Variants in ANO6 observed in about 807,000 individuals in gnomAD.
The protein encoded by ANO6 is anoctamin-6.
A neutral mutation model predicts 117.5 loss-of-function variants in ANO6; 106 were observed. The observed-to-expected ratio is 0.90, with a 90% CI of 0.77 to 1.06. The LOEUF (loss-of-function observed/expected upper bound fraction) is 1.06, where lower values mean the gene tolerates loss of function less well. ANO6 is among the 50% of genes least tolerant of loss of function. ANO6 has a pLI of 0.00. For synonymous variants in ANO6, 367 were observed against 385.1 expected (o/e 0.95, Z 0.55); for missense variants, 955 against 1,121.1 (o/e 0.85, Z 2.12).
intron 1 of ANO6, among the ~76,000 whole-genome samples, chr12:45,246,963 G>A (rs1947835102): frequency 3.3e-5 from 5 of 150,716 alleles, no homozygotes; most frequent in South Asian, 2.1e-4. Flanking sequence ...ACAGAGTTTC[G>A]CTCTGTCGCC....
At chr12:45,371,172 C>T (rs1183387054) in intron 9 of ANO6, among the ~76,000 whole-genome samples, 5 of 152,204 alleles carry the variant, frequency 3.3e-5, no homozygotes, top group Admixed American at 2.0e-4. Flanking sequence ...AAACGGCGCA[C>T]CACAAGATTA....
chr12:45,364,281 G>A (rs11183004), intron 8 of ANO6, among the ~76,000 whole-genome samples: 22,540 of 152,070 alleles, frequency 0.15, 2,319 homozygotes, highest in East Asian at 0.46. Context: ...TCCTAGGTTT[G>A]GATCTCTTTG....
At chr12:45,253,562 A>G (rs1289093563) in intron 1 of ANO6, among the ~76,000 whole-genome samples, 1 of 152,224 alleles carries the variant, frequency 6.6e-6, no homozygotes, top group Non-Finnish European at 1.5e-5. Flanking sequence ...GTTCAAATGA[A>G]CAACCTCTTA....
intron 16 of ANO6, among the ~76,000 whole-genome samples, chr12:45,413,429 G>GATATTTTT (rs1943136465): frequency 6.6e-6 from 1 of 152,236 alleles, no homozygotes; most frequent in Non-Finnish European, 1.5e-5. Flanking sequence ...CTAAGTGTTG[G>GATATTTTT]ATATTTTTAG....
chr12:45,315,177 G>A (rs1258583646), intron 2 of ANO6, among the ~76,000 whole-genome samples: 2 of 152,076 alleles, frequency 1.3e-5, no homozygotes, highest in Admixed American at 1.3e-4. Flanking sequence ...CCACACATGG[G>A]TATGGAGACA....
chr12:45,432,975 TAACA>T (rs1275486124), downstream of ANO6, among the ~76,000 whole-genome samples: 1 of 152,202 alleles, frequency 6.6e-6, no homozygotes, highest in African/African-American at 2.4e-5. Context: ...TAGGTTATAC[TAACA>T]AAGTCAGAGT....
In ANO6 at chr12:45,431,701, G is replaced by C; in HGVS notation, c.*2390G>C. On this transcript the variant is annotated 3_prime_UTR_variant, in exon 20 of 20. Coordinates refer to ENST00000320560, the MANE Select transcript of ANO6 (RefSeq NM_001025356.3). ...ACTTGCAGTGATAAAGAAAAGCATG[G>C]AGCTGTGTCTGCAGACAATGGTGGC... The C allele has an allele frequency of 2.0e-6, 2 of 985,414 alleles. No individual in the cohort carries two copies. Among genetic ancestry groups the C allele is most frequent in the Non-Finnish European group, 2.4e-6 (2 of 829,936 alleles). The allele number at this position is 985,414 out of a possible 1,614,324, so 61.0% of individuals were successfully genotyped here.
chr12:45,274,905 A>G (rs1020628862), intron 1 of ANO6, among the ~76,000 whole-genome samples: 6 of 148,660 alleles, frequency 4.0e-5, no homozygotes, highest in Admixed American at 3.4e-4. Context: ...CAGAGCTGTC[A>G]CCCCTGACTT....
chr12:45,250,761 T>TAAAA (rs1237444756), intron 1 of ANO6, among the ~76,000 whole-genome samples: 2 of 116,558 alleles, frequency 1.7e-5, no homozygotes, highest in African/African-American at 3.2e-5. Context: ...TCTGGTTACT[T>TAAAA]AAAAAAAAAA....
At position 45,304,402 on chromosome 12, in the gene ANO6, A is replaced by G. The variant is rs756776982; in HGVS notation, c.150+2309A>G. On this transcript the variant is annotated intron_variant, in intron 2 of 19. Transcript: ENST00000320560. ...TTTTAAAATCAGAAATGAGTGTCACAGTACAAACCTGAGAGCAGAAAGAAC... is the reference window on the plus strand; with the variant it reads ...TTTTAAAATCAGAAATGAGTGTCACGGTACAAACCTGAGAGCAGAAAGAAC... Among the ~76,000 whole-genome samples the G allele has an allele frequency of 8.5e-5, 13 of 152,344 alleles. No homozygotes were observed. In the Middle Eastern group the frequency reaches 0.014, roughly 159 times the overall value.
intron 1 of ANO6, among the ~76,000 whole-genome samples, chr12:45,264,213 T>C (rs888000496): frequency 2.0e-5 from 3 of 152,234 alleles, no homozygotes; most frequent in African/African-American, 4.8e-5. Context: ...TCTTCCCACA[T>C]CTTGATTCCT....
chr12:45,399,948 T>C (rs1942739540), intron 12 of ANO6, among the ~76,000 whole-genome samples: 1 of 152,156 alleles, frequency 6.6e-6, no homozygotes, highest in South Asian at 2.1e-4. Flanking sequence ...TATTGAAGTA[T>C]GGGAAGCACC....
intron 1 of ANO6, among the ~76,000 whole-genome samples, chr12:45,227,305 GA>G (rs1422643469): frequency 2.6e-5 from 4 of 152,136 alleles, no homozygotes; most frequent in Non-Finnish European, 5.9e-5. Context: ...TGCTTAAGAA[GA>G]AAGAAAAGTA....
chr12:45,382,392 G>T (rs1039288911), intron 10 of ANO6, among the ~76,000 whole-genome samples: 3 of 152,166 alleles, frequency 2.0e-5, no homozygotes, highest in African/African-American at 7.2e-5. Flanking sequence ...AGATTTTAAT[G>T]TGCTTAGTCA....
chr12:45,237,718 G>C (rs550940820), intron 1 of ANO6, among the ~76,000 whole-genome samples: 1 of 152,238 alleles, frequency 6.6e-6, no homozygotes, highest in South Asian at 2.1e-4. Context: ...CCTTTTTTTG[G>C]TTCCATATGA....
chr12:45,263,367 C>CTTGCCT (rs1938109655), intron 1 of ANO6, among the ~76,000 whole-genome samples: 1 of 79,178 alleles, frequency 1.3e-5, no homozygotes, highest in Admixed American at 1.9e-4. Flanking sequence ...CTGGCCTGGC[C>CTTGCCT]TTTTTTTTTT....
chr12:45,375,709 A>G (rs1471815400), intron 9 of ANO6, among the ~76,000 whole-genome samples: 5 of 151,804 alleles, frequency 3.3e-5, no homozygotes, highest in Admixed American at 2.6e-4. Context: ...TCAATTCAAG[A>G]TGGATTAAAG....
At chr12:45,266,860 T>C (rs905355706) in intron 1 of ANO6, among the ~76,000 whole-genome samples, 3 of 151,142 alleles carry the variant, frequency 2.0e-5, no homozygotes, top group South Asian at 4.2e-4. Context: ...TGGCTCTAGT[T>C]CTTTGAGTTA....
At chr12:45,272,353 A>G (rs1429154541) in intron 1 of ANO6, among the ~76,000 whole-genome samples, 9 of 152,172 alleles carry the variant, frequency 5.9e-5, no homozygotes, top group Non-Finnish European at 8.8e-5. Context: ...AATATGTAAG[A>G]CTGCATTTTC....
Sources: gnomAD v4.1 joint callset for allele counts (sites outside exome capture counted in the v4.1 genomes callset) on GRCh38, gnomAD v4.1.1 for gene constraint, MANE v1.5 for transcripts, NCBI Gene and HGNC (gene_info 2026-07-23, HGNC 2026-07-21) for gene names.